PLEKHF2: variants seen among roughly 807,000 people sequenced by gnomAD.
The protein encoded by PLEKHF2 is pleckstrin homology and FYVE domain containing 2.
Under a neutral mutation model 14.7 loss-of-function variants are expected in PLEKHF2, and 4 were observed. The observed-to-expected ratio is 0.27, with a 90% CI of 0.13 to 0.62. The LOEUF is 0.62. PLEKHF2 is among the 20% of genes least tolerant of loss of function. The pLI is 0.85. For missense variants in PLEKHF2, 201 were observed against 307.7 expected, an observed-to-expected ratio of 0.65 and a Z score of 2.60; for synonymous variants, 90 against 103.5, an observed-to-expected ratio of 0.87 and a Z score of 0.79.
intron 1 of PLEKHF2, among the ~76,000 whole-genome samples, chr8:95,140,361 T>A (rs1019644859): frequency 6.6e-6 from 1 of 152,252 alleles, no homozygotes; most frequent in Non-Finnish European, 1.5e-5. Context: ...CTCATATGAC[T>A]GGTTTCTTTG....
intron 1 of PLEKHF2, among the ~76,000 whole-genome samples, chr8:95,149,376 ATTTAT>A (rs1563883717): frequency 6.6e-6 from 1 of 152,082 alleles, no homozygotes; most frequent in Non-Finnish European, 1.5e-5. Context: ...TTACCTATTT[ATTTAT>A]TTATGGGCTT....
At chr8:95,144,632 C>T (rs956910066) in intron 1 of PLEKHF2, among the ~76,000 whole-genome samples, 1 of 151,958 alleles carries the variant, frequency 6.6e-6, no homozygotes, top group Admixed American at 6.6e-5. Flanking sequence ...TTTGGGAAGC[C>T]GAGGCGGGTG....
Position 95,137,635 on chromosome 8 carries a change from TATCA to T in PLEKHF2, c.-15+3606_-15+3609del, listed in dbSNP as rs1268572246. Among the ~76,000 whole-genome samples, 5 of 152,386 alleles carry T rather than the reference TATCA, an allele frequency of 3.3e-5. No individual in the cohort carries two copies. The East Asian group carries it at 9.6e-4, about 29-fold the overall frequency. ...AGGGGTTAGCTGCCAGCCAGATTCC[TATCA>T]GTCAGGCTAGAAAGGATGTATTAAA... is the stretch of plus-strand genomic sequence containing the variant. On this transcript the variant is annotated intron_variant, in intron 1 of 1. Transcript: ENST00000315367.
chr8:95,143,536 T>C (rs1273439499), intron 1 of PLEKHF2, among the ~76,000 whole-genome samples: 1 of 152,204 alleles, frequency 6.6e-6, no homozygotes, highest in Non-Finnish European at 1.5e-5. Context: ...GGCCACAGGA[T>C]ATACCCAGCC....
At chr8:95,137,268 G>C (rs563291949) in intron 1 of PLEKHF2, among the ~76,000 whole-genome samples, 1 of 152,338 alleles carries the variant, frequency 6.6e-6, no homozygotes, top group African/African-American at 2.4e-5. Context: ...TACGATAGTA[G>C]CTATTATTTT....
chr8:95,140,786 A>G (rs1810430979), intron 1 of PLEKHF2, among the ~76,000 whole-genome samples: 1 of 146,520 alleles, frequency 6.8e-6, no homozygotes, highest in African/African-American at 2.5e-5. Flanking sequence ...GACCTTTACC[A>G]CTGTTTTTTT....
At chr8:95,151,577 T>C (rs1447624228) in intron 1 of PLEKHF2, among the ~76,000 whole-genome samples, 1 of 152,032 alleles carries the variant, frequency 6.6e-6, no homozygotes, top group African/African-American at 2.4e-5. Context: ...AATCATAGCA[T>C]TGATTAGTAC....
intron 1 of PLEKHF2, among the ~76,000 whole-genome samples, chr8:95,152,912 A>G (rs1423626877): frequency 6.6e-6 from 1 of 152,154 alleles, no homozygotes; most frequent in Non-Finnish European, 1.5e-5. Context: ...TGACTTGGTT[A>G]TAGTATAGTA....
Position 95,155,726 on chromosome 8 carries a change from T to TC in PLEKHF2, c.*933dup. 1 of 167,174 alleles carries TC rather than the reference T, an allele frequency of 6.0e-6. No individual in the cohort carries two copies. 10.4% of individuals were successfully genotyped at this position (167,174 alleles called of 1,614,324 possible). A position where few individuals can be genotyped will look rare whatever the true frequency, so the allele number is the denominator to read the frequency against. On this transcript the variant is annotated 3_prime_UTR_variant, in exon 2 of 2. Coordinates refer to ENST00000315367, the MANE Select transcript of PLEKHF2 (RefSeq NM_024613.4). ...ATAAAACCCTTGAAAATAAACAGTC[T>TC]CTTTTTTACAAAGCCTGTGTTAGAG... is the stretch of plus-strand genomic sequence containing the variant.
At chr8:95,145,016 T>C (rs972440363) in intron 1 of PLEKHF2, among the ~76,000 whole-genome samples, 7 of 152,196 alleles carry the variant, frequency 4.6e-5, no homozygotes, top group African/African-American at 1.7e-4. Context: ...GAGTATAATG[T>C]GAATGTGCTA....
rs1810346879 is a variant in PLEKHF2 at position 95,133,963 on chromosome 8, C to G, written c.-82C>G. Reference sequence around the variant, plus strand: ...GGGAACGGGCAGAGTCCGCGCCCTGCGTCCGCGACCAGGAGGATCGGACCT... The same window carrying G: ...GGGAACGGGCAGAGTCCGCGCCCTGGGTCCGCGACCAGGAGGATCGGACCT... On this transcript the variant is annotated 5_prime_UTR_variant, in exon 1 of 2. Coordinates refer to ENST00000315367, the MANE Select transcript of PLEKHF2 (RefSeq NM_024613.4). The G allele has an allele frequency of 6.6e-6, 1 of 152,326 alleles. No individual in the cohort carries two copies. The highest frequency in any genetic ancestry group is 2.4e-5 in the African/African-American group (1 of 41,366). The allele number at this position is 152,326 out of a possible 1,614,324, so 9.4% of individuals were successfully genotyped here.
Position 95,155,614 on chromosome 8 carries a change from A to G in PLEKHF2, c.*820A>G, listed in dbSNP as rs1810610323. ...AATTTATCAGTTATACAGAATTGTC[A>G]TACTGCATTAGCTTCTACCTTTAGT... On this transcript the variant is annotated 3_prime_UTR_variant, in exon 2 of 2. Coordinates refer to ENST00000315367, the MANE Select transcript of PLEKHF2 (RefSeq NM_024613.4). The G allele has an allele frequency of 6.0e-6, 1 of 167,076 alleles. No homozygotes were observed. Among genetic ancestry groups the G allele is most frequent in the Non-Finnish European group, 1.5e-5 (1 of 68,092 alleles). 10.3% of individuals were successfully genotyped at this position (167,076 alleles called of 1,614,324 possible).
Position 95,155,492 on chromosome 8 carries a change from T to C in PLEKHF2, c.*698T>C, listed in dbSNP as rs1810608805. 1 of 167,040 alleles carries C rather than the reference T, an allele frequency of 6.0e-6. No homozygotes were observed. Among genetic ancestry groups the C allele is most frequent in the South Asian group, 2.1e-4 (1 of 4,832 alleles). 10.3% of individuals were successfully genotyped at this position (167,040 alleles called of 1,614,324 possible). The stretch of plus-strand genomic sequence containing the variant: ...AATAAATATTTTTCCATAAAATAGT[T>C]GTGATTATATTTTTGTTTTATATAG... On this transcript the variant is annotated 3_prime_UTR_variant, in exon 2 of 2. Transcript: ENST00000315367.
At chr8:95,151,116 A>G (rs913321196) in intron 1 of PLEKHF2, among the ~76,000 whole-genome samples, 3 of 152,172 alleles carry the variant, frequency 2.0e-5, no homozygotes, top group Non-Finnish European at 2.9e-5. Flanking sequence ...TCATCAGCTC[A>G]CAGTTCAGCT....
intron 1 of PLEKHF2, among the ~76,000 whole-genome samples, chr8:95,138,573 A>C (rs1027954198): frequency 6.6e-6 from 1 of 151,978 alleles, no homozygotes; most frequent in Non-Finnish European, 1.5e-5. Context: ...CTATGAGAGA[A>C]TGTGTTCATT....
chr8:95,149,077 CTAAA>C lies in PLEKHF2; in HGVS notation c.-14-4951_-14-4948del, dbSNP rs369153865. ...TAACACACTCATAGATTAATAACCT[CTAAA>C]TATATAGTCTTTAAAATGCAAGTGA... On this transcript the variant is annotated intron_variant, in intron 1 of 1. Transcript: ENST00000315367. Among the ~76,000 whole-genome samples the C allele has an allele frequency of 1.1e-3, 161 of 152,148 alleles. 1 individual carries two copies. In the South Asian group the frequency reaches 0.013, roughly 12 times the overall value.
chr8:95,154,105 T>A lies in PLEKHF2; in HGVS notation c.61T>A (p.Cys21Ser). The part of the protein sequence containing the change: ...NTRRISIVEN[C>S]FGAAGQPLTI... ...TAGACGTATAAGTATAGTGGAAAAC[T>A]GTTTTGGAGCAGCTGGTCAACCTTT... The change falls in exon 2 of 2, where the codon TGT becomes AGT. Residue 21 changes from cysteine to serine, a missense_variant. Coordinates refer to ENST00000315367, the MANE Select transcript of PLEKHF2 (RefSeq NM_024613.4). This position sits in a 1 kb window ranked among gnomAD's most constrained non-coding sequence, Gnocchi z 5.6. The A allele has an allele frequency of 6.2e-7, 1 of 1,613,828 alleles. No homozygotes were observed. Among genetic ancestry groups the A allele is most frequent in the Non-Finnish European group, 8.5e-7 (1 of 1,179,866 alleles).
chr8:95,152,384 G>T (rs1324621932), intron 1 of PLEKHF2, among the ~76,000 whole-genome samples: 2 of 152,026 alleles, frequency 1.3e-5, no homozygotes, highest in Non-Finnish European at 2.9e-5. Context: ...CATATTCTCT[G>T]TAGTGTACAA....
intron 1 of PLEKHF2, among the ~76,000 whole-genome samples, chr8:95,140,064 C>T (rs1810424344): frequency 2.0e-5 from 3 of 152,176 alleles, no homozygotes; most frequent in Admixed American, 6.5e-5. Context: ...ATCTCTCTGT[C>T]CTGGAGCTCC....
Sources: gnomAD v4.1 joint callset for allele counts (sites outside exome capture counted in the v4.1 genomes callset) on GRCh38, gnomAD v4.1.1 for gene constraint, Gnocchi (gnomAD v3.1) non-coding constraint, MANE v1.5 for transcripts, NCBI Gene and HGNC (gene_info 2026-07-23, HGNC 2026-07-21) for gene names.